The following FAM118B variants were observed in gnomAD, a reference collection of about 807,000 sequenced individuals.
FAM118B encodes SIR2 antiphage like 1.
In FAM118B, 24 loss-of-function variants were observed where a neutral mutation model predicts 38.5. The ratio of observed to expected loss-of-function variants is 0.62; its 90% CI spans 0.45 to 0.88. The LOEUF is 0.88. Ranked by LOEUF, FAM118B falls within the 40% of genes least tolerant of loss-of-function variation. FAM118B has a pLI of 0.00. For missense variants in FAM118B, 334 were observed against 420.0 expected, an observed-to-expected ratio of 0.80 and a Z score of 1.79; for synonymous variants, 138 against 156.3, an observed-to-expected ratio of 0.88 and a Z score of 0.87.
intron 7 of FAM118B, among the ~76,000 whole-genome samples, chr11:126,257,399 A>G (rs1255096243): frequency 6.6e-6 from 1 of 152,180 alleles, no homozygotes; most frequent in Non-Finnish European, 1.5e-5. Context: ...TTTCCATTGA[A>G]TGTAGTGGCA....
chr11:126,235,199 C>T, intron 3 of FAM118B, 112 bp downstream of exon 3: 1 of 806,670 alleles, frequency 1.2e-6, no homozygotes. Flanking sequence ...TATTGACCTT[C>T]ATACTCAAAA....
At position 126,246,620 on chromosome 11, in the gene FAM118B, T is replaced by A. The variant is rs190491179; in HGVS notation, c.340-3886T>A. Among the ~76,000 whole-genome samples, 473 of 152,262 alleles carry A rather than the reference T, an allele frequency of 3.1e-3. 1 individual carries two copies. Among genetic ancestry groups the A allele is most frequent in the Non-Finnish European group, 4.7e-3 (320 of 68,012 alleles). ...AACAGGTTTTTTTTCTTTCTTTTTTTAAATAGAAATGGGGTCTCCCTGTGT... is the reference window on the plus strand; with the variant it reads ...AACAGGTTTTTTTTCTTTCTTTTTTAAAATAGAAATGGGGTCTCCCTGTGT... On this transcript the variant is annotated intron_variant, in intron 4 of 8. Transcript: ENST00000533050.
At chr11:126,227,236 T>C (rs1950155450) in intron 1 of FAM118B, among the ~76,000 whole-genome samples, 1 of 151,924 alleles carries the variant, frequency 6.6e-6, no homozygotes, top group South Asian at 2.1e-4. Context: ...CTGATTTTTG[T>C]AGTGTTAGTA....
intron 1 of FAM118B, among the ~76,000 whole-genome samples, chr11:126,217,134 C>T (rs1384790629): frequency 2.0e-5 from 3 of 152,252 alleles, no homozygotes; most frequent in African/African-American, 4.8e-5. Flanking sequence ...CAACTCCACA[C>T]AAACGGGTAG....
chr11:126,233,775 T>A, intron 2 of FAM118B: 3 of 454,800 alleles, frequency 6.6e-6, no homozygotes, highest in South Asian at 4.7e-5. Context: ...AAACTTAGTG[T>A]TTTAATAAAG....
intron 3 of FAM118B, among the ~76,000 whole-genome samples, chr11:126,240,479 G>C (rs925726720): frequency 2.0e-5 from 3 of 151,872 alleles, no homozygotes; most frequent in African/African-American, 7.3e-5. Flanking sequence ...GAAGTCAGCT[G>C]AGCTATAGTC....
intron 2 of FAM118B, among the ~76,000 whole-genome samples, chr11:126,230,875 T>C (rs991160044): frequency 6.6e-6 from 1 of 152,234 alleles, no homozygotes; most frequent in Admixed American, 6.5e-5. Context: ...TGGGATTCTT[T>C]GATGTTTTCA....
intron 4 of FAM118B, among the ~76,000 whole-genome samples, chr11:126,248,358 CTTTTTT>C (rs1167017613): frequency 1.6e-4 from 6 of 36,964 alleles, no homozygotes; most frequent in African/African-American, 6.1e-4. Flanking sequence ...TAGTAGTTGA[CTTTTTT>C]TTTTTTTTTT....
At chr11:126,261,835 T>G (rs149080794) in intron 8 of FAM118B, among the ~76,000 whole-genome samples, 1 of 152,022 alleles carries the variant, frequency 6.6e-6, no homozygotes, top group East Asian at 1.9e-4. Context: ...CAAAAAAAAT[T>G]TTTTTAAATT....
Position 126,239,515 on chromosome 11 carries a change from T to C in FAM118B, c.87-1277T>C, listed in dbSNP as rs188506590. Among the ~76,000 whole-genome samples, 43 of 152,266 alleles carry C rather than the reference T, an allele frequency of 2.8e-4. No individual in the cohort carries two copies. The Middle Eastern group carries it at 0.017, about 60-fold the overall frequency. On this transcript the variant is annotated intron_variant, in intron 3 of 8. Transcript: ENST00000533050. ...CATTTTTCATCATTTGCTTCTAACA[T>C]CTATTATTAATGTCTTTTCTAGTAG...
chr11:126,255,134 A>G lies in FAM118B; in HGVS notation c.696+701A>G, dbSNP rs1459740655. On this transcript the variant is annotated intron_variant, in intron 6 of 8. Coordinates refer to ENST00000533050, the MANE Select transcript of FAM118B (RefSeq NM_024556.4). The surrounding 1 kb of genome is among the most constrained non-coding windows in gnomAD (Gnocchi z 4.6). ...TACATTCTAAAGAGACTTTGTATAA[A>G]TGGCAATGGGCTTATATTGAATTAA... Among the ~76,000 whole-genome samples the G allele has an allele frequency of 6.6e-6, 1 of 152,252 alleles. No homozygotes were observed. Among genetic ancestry groups the G allele is most frequent in the African/African-American group, 2.4e-5 (1 of 41,460 alleles).
At chr11:126,261,636 G>A in intron 8 of FAM118B, 152 bp downstream of exon 8, 1 of 631,982 alleles carries the variant, frequency 1.6e-6, no homozygotes, top group Non-Finnish European at 2.8e-6. Flanking sequence ...TACCCATTAA[G>A]GATTCTATCT....
chr11:126,252,991 C>A lies in FAM118B; in HGVS notation c.568-1314C>A, dbSNP rs927694745. 6.6e-6 allele frequency among the ~76,000 whole-genome samples: 1 copy of A among 152,156 alleles called. No individual in the cohort carries two copies. Among genetic ancestry groups the A allele is most frequent in the African/African-American group, 2.4e-5 (1 of 41,440 alleles). ...CAGAGGTTTCAGTGAGCCAAGATTG[C>A]GCCACTGTGCTCCAATCTGGGCAAC... is the stretch of plus-strand genomic sequence containing the variant. On this transcript the variant is annotated intron_variant, in intron 5 of 8. Coordinates refer to ENST00000533050, the MANE Select transcript of FAM118B (RefSeq NM_024556.4). The surrounding 1 kb of genome is among the most constrained non-coding windows in gnomAD (Gnocchi z 4.7).
chr11:126,255,066 A>C lies in FAM118B; in HGVS notation c.696+633A>C, dbSNP rs1468470805. On this transcript the variant is annotated intron_variant, in intron 6 of 8. Transcript: ENST00000533050. This position sits in a 1 kb window ranked among gnomAD's most constrained non-coding sequence, Gnocchi z 4.6. ...ATTAATAGCCCTCTCTGTGTCAGAA[A>C]TAATTGAGGCAGCTTCTTAACAAAC... is the stretch of plus-strand genomic sequence containing the variant. Among the ~76,000 whole-genome samples, 1 of 152,206 alleles carries C rather than the reference A, an allele frequency of 6.6e-6. No individual in the cohort carries two copies. Among genetic ancestry groups the C allele is most frequent in the African/African-American group, 2.4e-5 (1 of 41,452 alleles).
At chr11:126,236,558 T>TTCACA (rs1950276707) in intron 3 of FAM118B, among the ~76,000 whole-genome samples, 6 of 152,338 alleles carry the variant, frequency 3.9e-5, no homozygotes, top group Admixed American at 2.6e-4. Context: ...TTCACAGTGA[T>TTCACA]GTATCTTGTC....
At position 126,250,343 on chromosome 11, in the gene FAM118B, G is replaced by A. The variant is rs1427932878; in HGVS notation, c.340-163G>A. ...CCTGACCTCGTGATCCGCCCGCCTC[G>A]GTCTCCCAAAGTGCTGGGATTACAG... On this transcript the variant is annotated intron_variant, in intron 4 of 8. Coordinates refer to ENST00000533050, the MANE Select transcript of FAM118B (RefSeq NM_024556.4). The surrounding 1 kb of genome is among the most constrained non-coding windows in gnomAD (Gnocchi z 5.1). Among the ~76,000 whole-genome samples, 1 of 152,008 alleles carries A rather than the reference G, an allele frequency of 6.6e-6. No homozygotes were observed. Among genetic ancestry groups the A allele is most frequent in the African/African-American group, 2.4e-5 (1 of 41,364 alleles).
intron 4 of FAM118B, among the ~76,000 whole-genome samples, chr11:126,242,555 A>C (rs941707783): frequency 2.0e-5 from 3 of 152,254 alleles, no homozygotes; most frequent in African/African-American, 7.2e-5. Flanking sequence ...CTAATAATTC[A>C]ATTTTAAAAT....
At chr11:126,218,367 C>T (rs1950010148) in intron 1 of FAM118B, among the ~76,000 whole-genome samples, 1 of 152,198 alleles carries the variant, frequency 6.6e-6, no homozygotes, top group Non-Finnish European at 1.5e-5. Context: ...CCTTAAATGT[C>T]ACCTCAGTGA....
intron 1 of FAM118B, among the ~76,000 whole-genome samples, chr11:126,212,916 G>A (rs1385059446): frequency 6.6e-6 from 1 of 152,156 alleles, no homozygotes; most frequent in African/African-American, 2.4e-5. Context: ...AAATGAATCT[G>A]GCAGTTGAAT....
Sources: allele counts gnomAD v4.1 joint callset (sites outside exome capture counted in the v4.1 genomes callset), GRCh38; gene constraint gnomAD v4.1.1; non-coding constraint Gnocchi (gnomAD v3.1); transcripts MANE v1.5; gene names NCBI Gene and HGNC (gene_info 2026-07-23, HGNC 2026-07-21).